Variants in ARFGEF2 observed in about 807,000 individuals in gnomAD.
The protein encoded by ARFGEF2 is ARF guanine nucleotide exchange factor 2.
Under a neutral mutation model 219.9 loss-of-function variants are expected in ARFGEF2, and 74 were observed. The observed-to-expected ratio is 0.34, with a 90% CI of 0.28 to 0.41. ARFGEF2 has a LOEUF of 0.41. Among genes scored for constraint, ARFGEF2 ranks in the 10% least tolerant of loss-of-function variants. ARFGEF2 has a pLI of 1.00. For missense variants in ARFGEF2, 1,743 were observed against 2,218.3 expected (o/e 0.79, Z 4.30); for synonymous variants, 733 against 799.2 (o/e 0.92, Z 1.40).
intron 6 of ARFGEF2, among the ~76,000 whole-genome samples, chr20:48,960,223 T>C (rs755230355): frequency 3.3e-5 from 5 of 152,242 alleles, no homozygotes; most frequent in African/African-American, 4.8e-5. Context: ...CTGTACACCA[T>C]GTTACTGTAT....
In ARFGEF2 at chr20:48,991,021, T is replaced by C. The variant is rs761915822; in HGVS notation, c.2815-19T>C. On this transcript the variant is annotated intron_variant, in intron 20 of 38. Transcript: ENST00000371917. Reference sequence around the variant, plus strand: ...CTAAGGTTGGAGTCACAGTGTTCTCTCTTGGGTTTCTGTTACAGCTGGAAC... The same window carrying C: ...CTAAGGTTGGAGTCACAGTGTTCTCCCTTGGGTTTCTGTTACAGCTGGAAC... 1.1e-5 allele frequency: 18 copies of C among 1,612,088 alleles called. No homozygotes were observed. Among genetic ancestry groups the C allele is most frequent in the African/African-American group, 2.7e-5 (2 of 74,890 alleles).
intron 1 of ARFGEF2, among the ~76,000 whole-genome samples, chr20:48,935,840 C>G: frequency 8.1e-6 from 1 of 123,466 alleles, no homozygotes; most frequent in African/African-American, 3.5e-5. Flanking sequence ...CAACCTCCCT[C>G]CCGGACGGGG....
intron 26 of ARFGEF2, among the ~76,000 whole-genome samples, chr20:49,006,880 T>G (rs1568733959): frequency 1.3e-5 from 2 of 151,396 alleles, no homozygotes; most frequent in Admixed American, 6.6e-5. Context: ...GTTGGAGGTT[T>G]TTGTTTTTTT....
chr20:48,954,765 G>A (rs1011725002), intron 6 of ARFGEF2, among the ~76,000 whole-genome samples: 1 of 152,150 alleles, frequency 6.6e-6, no homozygotes, highest in African/African-American at 2.4e-5. Context: ...ACCAAGAATG[G>A]TGTTGTGTCT....
At chr20:48,936,425 T>C (rs1270620202) in intron 1 of ARFGEF2, among the ~76,000 whole-genome samples, 1 of 142,120 alleles carries the variant, frequency 7.0e-6, no homozygotes, top group African/African-American at 2.7e-5. Context: ...GGGTGGCTGC[T>C]GGGCGGAGGG....
chr20:49,015,714 C>T (rs1163649849), intron 30 of ARFGEF2, among the ~76,000 whole-genome samples: 1 of 152,234 alleles, frequency 6.6e-6, no homozygotes, highest in African/African-American at 2.4e-5. Context: ...TCTCCATATT[C>T]ATTCCAGGTC....
intron 7 of ARFGEF2, among the ~76,000 whole-genome samples, chr20:48,965,180 GT>G (rs1215509873): frequency 6.6e-6 from 1 of 152,108 alleles, no homozygotes; most frequent in Non-Finnish European, 1.5e-5. Flanking sequence ...TGTTTGTCTT[GT>G]TTACTTTGTG....
chr20:48,956,604 C>T (rs1326815725), intron 6 of ARFGEF2, among the ~76,000 whole-genome samples: 2 of 152,036 alleles, frequency 1.3e-5, no homozygotes, highest in Admixed American at 6.6e-5. Flanking sequence ...GAATGAGTCT[C>T]GCCATCTTGC....
intron 6 of ARFGEF2, among the ~76,000 whole-genome samples, chr20:48,958,664 G>C (rs6095378): frequency 0.12 from 18,446 of 151,716 alleles, 1,752 homozygotes; most frequent in African/African-American, 0.27. Context: ...GGATGGTCTC[G>C]ATCTCCTGAC....
intron 18 of ARFGEF2, among the ~76,000 whole-genome samples, chr20:48,989,081 A>G (rs1055406051): frequency 2.0e-5 from 3 of 152,100 alleles, no homozygotes; most frequent in Admixed American, 6.5e-5. Flanking sequence ...TCTACTTAGT[A>G]ATTGTATGAC....
intron 27 of ARFGEF2, among the ~76,000 whole-genome samples, chr20:49,011,375 G>A (rs1350256034): frequency 1.3e-5 from 2 of 152,024 alleles, no homozygotes; most frequent in Non-Finnish European, 2.9e-5. Context: ...GTAACTATCA[G>A]GAATAATGAG....
chr20:48,968,276 A>T (rs902288908), intron 8 of ARFGEF2, among the ~76,000 whole-genome samples: 4 of 152,150 alleles, frequency 2.6e-5, no homozygotes, highest in Non-Finnish European at 5.9e-5. Context: ...TACAGGCGTG[A>T]GCCACCGTGC....
At chr20:49,013,224 G>C (rs2091511533) in intron 28 of ARFGEF2, among the ~76,000 whole-genome samples, 1 of 152,166 alleles carries the variant, frequency 6.6e-6, no homozygotes, top group Non-Finnish European at 1.5e-5. Context: ...TAACATTCCA[G>C]AAAGACCTAA....
chr20:48,961,272 CTT>C (rs1230215945), intron 6 of ARFGEF2, among the ~76,000 whole-genome samples: 2 of 151,502 alleles, frequency 1.3e-5, no homozygotes, highest in Non-Finnish European at 2.9e-5. Flanking sequence ...TTATTCTATA[CTT>C]TTTTTTCTAT....
chr20:48,996,187 T>C (rs2091385322), intron 23 of ARFGEF2, among the ~76,000 whole-genome samples: 1 of 152,108 alleles, frequency 6.6e-6, no homozygotes, highest in African/African-American at 2.4e-5. Context: ...AGCCTACCCA[T>C]GCTCACGCCT....
chr20:48,984,042 T>TA (rs573508007), intron 14 of ARFGEF2, among the ~76,000 whole-genome samples: 247 of 140,460 alleles, frequency 1.8e-3, no homozygotes, highest in East Asian at 3.5e-3. Context: ...CCCTGTCTCT[T>TA]AAAAAAAAAA....
intron 18 of ARFGEF2, 30 bp from the exon 19 acceptor site, chr20:48,989,255 A>T: frequency 1.9e-6 from 3 of 1,613,746 alleles, no homozygotes; most frequent in Non-Finnish European, 2.5e-6. Context: ...AGTGACTGCT[A>T]GCCACACCTA....
chr20:49,005,321 G>A lies in ARFGEF2; in HGVS notation c.3584+100G>A. 2.8e-6 allele frequency: 4 copies of A among 1,429,840 alleles called. No individual in the cohort carries two copies. The South Asian group carries it at 4.6e-5, about 17-fold the overall frequency. The allele number at this position is 1,429,840 out of a possible 1,614,324, so 88.6% of individuals were successfully genotyped here. On this transcript the variant is annotated intron_variant, in intron 26 of 38. Transcript: ENST00000371917. ...ACATGATTAATTTTTTTCCTCCCTT[G>A]TCAGTGGAAACAAATAGAATGAATA...
At chr20:49,023,830 G>A (rs1489632075) in intron 35 of ARFGEF2, among the ~76,000 whole-genome samples, 3 of 152,144 alleles carry the variant, frequency 2.0e-5, no homozygotes, top group Admixed American at 6.5e-5. Flanking sequence ...GAGCCACCGC[G>A]CCCGGCCTGA....
Sources: allele counts gnomAD v4.1 joint callset (sites outside exome capture counted in the v4.1 genomes callset), GRCh38; gene constraint gnomAD v4.1.1; transcripts MANE v1.5; gene names NCBI Gene and HGNC (gene_info 2026-07-23, HGNC 2026-07-21).